The following SZT2 variants were observed in gnomAD, a reference collection of about 807,000 sequenced individuals.
The protein encoded by SZT2 is SZT2 subunit of KICSTOR complex, also known as KICSTOR complex protein SZT2.
Under a neutral mutation model 404.2 loss-of-function variants are expected in SZT2, and 216 were observed. That is an observed-to-expected ratio of 0.53 (90% confidence interval 0.48 to 0.60). The LOEUF is 0.60. Among genes scored for constraint, SZT2 ranks in the 20% least tolerant of loss-of-function variants. SZT2 has a pLI of 0.00. For missense variants in SZT2, 3,857 were observed against 4,459.2 expected (o/e 0.86, Z 3.85); for synonymous variants, 1,693 against 1,749.9 (o/e 0.97, Z 0.81).
chr1:43,389,979 A>G lies in SZT2; in HGVS notation c.11A>G (p.Glu4Gly). 7.2e-7 allele frequency: 1 copy of G among 1,397,288 alleles called. No homozygotes were observed. The highest frequency in any genetic ancestry group is 9.3e-7 in the Non-Finnish European group (1 of 1,078,212). The allele number at this position is 1,397,288 out of a possible 1,614,324, so 86.6% of individuals were successfully genotyped here. A position where few individuals can be genotyped will look rare whatever the true frequency, so the allele number is the denominator to read the frequency against. Residue 4 changes from glutamate (E) to glycine (G), a missense_variant, in exon 1 of 72, where the codon GAG (glutamate) becomes GGG (glycine). Coordinates refer to ENST00000634258, the MANE Select transcript of SZT2 (RefSeq NM_001365999.1). ...CGGGAGGGCTGTGTGATGGCCTCGG[A>G]GCGCCCGGAGCCGGAGGTGAGGGGC... MAS[E>G]RPEPEVEEAG...
Position 43,451,071 on chromosome 1 carries a change from G to C in SZT2, c.*591G>C, listed in dbSNP as rs563736312. 1 of 811,628 alleles carries C rather than the reference G, an allele frequency of 1.2e-6. No homozygotes were observed. Among genetic ancestry groups the C allele is most frequent in the African/African-American group, 1.7e-5 (1 of 59,966 alleles). 50.3% of individuals were successfully genotyped at this position (811,628 alleles called of 1,614,324 possible). ...CATCTTCACAGCAACCCTGGCACTG[G>C]CTTCTCAATGGGAGGGAAGCAGCAG... On this transcript the variant is annotated 3_prime_UTR_variant, in exon 72 of 72. Coordinates refer to ENST00000634258, the MANE Select transcript of SZT2 (RefSeq NM_001365999.1).
chr1:43,402,368 C>T (rs867569660), intron 1 of SZT2, among the ~76,000 whole-genome samples: 14 of 152,170 alleles, frequency 9.2e-5, no homozygotes, highest in African/African-American at 3.4e-4. Context: ...GATTGGAAAA[C>T]CTCCTGTGGG....
At position 43,426,218 on chromosome 1, in the gene SZT2, TAACA is replaced by T; in HGVS notation, c.3043+72_3043+75del. On this transcript the variant is annotated intron_variant, in intron 21 of 71. Coordinates refer to ENST00000634258, the MANE Select transcript of SZT2 (RefSeq NM_001365999.1). This position sits in a 1 kb window ranked among gnomAD's most constrained non-coding sequence, Gnocchi z 4.9. ...CAGCAAGCCTGGAAGTATTAGAAAA[TAACA>T]AACAGATGGGTCAGCAAGTGAGCAG... 6.4e-7 allele frequency: 1 copy of T among 1,560,584 alleles called. No individual in the cohort carries two copies. The highest frequency in any genetic ancestry group is 8.7e-7 in the Non-Finnish European group (1 of 1,145,964).
Position 43,426,707 on chromosome 1 carries a change from C to T in SZT2, c.3215-8C>T, listed in dbSNP as rs942834821. On this transcript the variant is annotated splice_region_variant and splice_polypyrimidine_tract_variant and intron_variant, in intron 22 of 71. Transcript: ENST00000634258. This position sits in a 1 kb window ranked among gnomAD's most constrained non-coding sequence, Gnocchi z 4.9. ...GCCCTCTTTCACCCATCTCTACCCC[C>T]ATTGTAGGTGCCGAGGGGCCACTGC... The T allele has an allele frequency of 6.2e-7, 1 of 1,602,696 alleles. No individual in the cohort carries two copies. The highest frequency in any genetic ancestry group is 1.7e-5 in the Admixed American group (1 of 58,410).
intron 66 of SZT2, 25 bp from the exon 67 acceptor site, chr1:43,447,520 C>T (rs1165819515): frequency 1.9e-6 from 3 of 1,610,330 alleles, no homozygotes; most frequent in Non-Finnish European, 2.5e-6. Context: ...TTAGTGTCTG[C>T]TGTCTCCTGT....
At chr1:43,413,947 AAG>A (rs1468298088) in intron 4 of SZT2, among the ~76,000 whole-genome samples, 1 of 152,148 alleles carries the variant, frequency 6.6e-6, no homozygotes, top group Non-Finnish European at 1.5e-5. Flanking sequence ...AAATAACTAA[AAG>A]AGTAAAATTG....
In SZT2 at chr1:43,439,521, C is replaced by T; in HGVS notation, c.6877+79C>T. 6.2e-7 allele frequency: 1 copy of T among 1,600,504 alleles called. No individual in the cohort carries two copies. The highest frequency in any genetic ancestry group is 1.1e-5 in the South Asian group (1 of 89,380). On this transcript the variant is annotated intron_variant, in intron 49 of 71. Transcript: ENST00000634258. This position sits in a 1 kb window ranked among gnomAD's most constrained non-coding sequence, Gnocchi z 4.2. The stretch of plus-strand genomic sequence containing the variant: ...TCATCCTATTGCTAAGAGGACATTT[C>T]CCAGGCTTGCAGCTGAGTGGAGGGT...
In SZT2 at chr1:43,430,703, C is replaced by A; in HGVS notation, c.4688C>A (p.Pro1563Gln). ...CCTGAGAGCTTCCTTCATGACCTGC[C>A]ACCGCTCTTCCTGCACCTCACGTGC... Reference protein sequence around the residue: ...TGPESFLHDLPPLFLHLTCSV... With the variant: ...TGPESFLHDLQPLFLHLTCSV... Residue 1563 changes from proline (P) to glutamine (Q), a missense_variant, in exon 32 of 72, where the codon CCA (proline) becomes CAA (glutamine). Pro to Gln is a moderately conservative substitution (Grantham distance 76). Around this residue, in one of 7 missense-constraint regions of SZT2, gnomAD observed 1,725 missense variants for 1,881.0 expected, o/e 0.92. Coordinates refer to ENST00000634258, the MANE Select transcript of SZT2 (RefSeq NM_001365999.1). 6.2e-7 allele frequency: 1 copy of A among 1,613,850 alleles called. No homozygotes were observed. The highest frequency in any genetic ancestry group is 8.5e-7 in the Non-Finnish European group (1 of 1,180,024).
In SZT2 at chr1:43,427,392, G is replaced by A. The variant is rs991901142; in HGVS notation, c.3545G>A (p.Gly1182Glu). The A allele has an allele frequency of 6.2e-7, 1 of 1,614,016 alleles. No individual in the cohort carries two copies. The highest frequency in any genetic ancestry group is 1.7e-5 in the Admixed American group (1 of 59,996). Residue 1182 changes from glycine (G) to glutamate (E), a missense_variant, in exon 25 of 72, where the codon GGG becomes GAG. Around this residue, in one of 7 missense-constraint regions of SZT2, gnomAD observed 1,725 missense variants for 1,881.0 expected, o/e 0.92. Transcript: ENST00000634258. ...APSLKDLGGT[G>E]IKATKSHVPV... is the part of the protein sequence containing the mutation. Reference sequence around the variant, plus strand: ...AGTCTGAAAGATCTAGGAGGAACTGGGATCAAAGCTACAAAGTCCCACGTC... The same window carrying A: ...AGTCTGAAAGATCTAGGAGGAACTGAGATCAAAGCTACAAAGTCCCACGTC...
intron 7 of SZT2, among the ~76,000 whole-genome samples, chr1:43,419,297 T>C (rs998154020): frequency 2.6e-5 from 4 of 152,248 alleles, no homozygotes; most frequent in African/African-American, 9.6e-5. Flanking sequence ...CAAAATGTAG[T>C]CCACAGACCA....
At position 43,425,394 on chromosome 1, in the gene SZT2, T is replaced by C; in HGVS notation, c.2646-80T>C. 1 of 1,584,308 alleles carries C rather than the reference T, an allele frequency of 6.3e-7. No individual in the cohort carries two copies. The highest frequency in any genetic ancestry group is 8.6e-7 in the Non-Finnish European group (1 of 1,161,500). On this transcript the variant is annotated intron_variant, in intron 18 of 71. Transcript: ENST00000634258. This position sits in a 1 kb window ranked among gnomAD's most constrained non-coding sequence, Gnocchi z 4.3. ...CCTTGTATGACTCGTGGCTGTCCTC[T>C]GTGCCTGCCTCCTTCCCTCCATGAG...
chr1:43,414,821 G>C (rs934314174), intron 4 of SZT2, among the ~76,000 whole-genome samples: 3 of 152,258 alleles, frequency 2.0e-5, no homozygotes, highest in Non-Finnish European at 4.4e-5. Context: ...CATGTGGGGG[G>C]TTGGGGAAGC....
chr1:43,427,938 G>A (rs529521538), intron 26 of SZT2, 65 bp from the exon 27 acceptor site: 106 of 1,438,668 alleles, frequency 7.4e-5, no homozygotes, highest in Non-Finnish European at 9.2e-5. Flanking sequence ...GAGTGTGGAT[G>A]GCTAATGAGT....
Position 43,450,365 on chromosome 1 carries a change from TCCCAGTACAGC to T in SZT2, c.10190_10200del (p.Val3397GlyfsTer46), listed in dbSNP as rs1299792308. On this transcript the variant is annotated frameshift_variant, in exon 72 of 72. Coordinates refer to ENST00000634258, the MANE Select transcript of SZT2 (RefSeq NM_001365999.1). LOFTEE classifies it high-confidence loss of function. This position sits in a 1 kb window ranked among gnomAD's most constrained non-coding sequence, Gnocchi z 4.3. The stretch of plus-strand genomic sequence containing the variant: ...CTGACAGTGGTTTTCCGAGAGCCCT[TCCCAGTACAGC>T]CCCAGGACAGCGAGAGCCCCCCTGC... 6.2e-7 allele frequency: 1 copy of T among 1,613,974 alleles called. No homozygotes were observed. Among genetic ancestry groups the T allele is most frequent in the Admixed American group, 1.7e-5 (1 of 59,990 alleles).
chr1:43,402,572 T>C (rs992141851), intron 1 of SZT2, among the ~76,000 whole-genome samples: 8 of 152,282 alleles, frequency 5.3e-5, no homozygotes, highest in African/African-American at 1.9e-4. Context: ...GACAAGGACA[T>C]GGGCAAGGGA....
Position 43,452,517 on chromosome 1 carries a change from CAG to C in SZT2, c.*2038_*2039del. ...GGGGCAAGCCCTTTCCCAGACATCT[CAG>C]TGTCCACCCACCGCCTCCTGCCTCC... is the stretch of plus-strand genomic sequence containing the variant. On this transcript the variant is annotated 3_prime_UTR_variant, in exon 72 of 72. Coordinates refer to ENST00000634258, the MANE Select transcript of SZT2 (RefSeq NM_001365999.1). 2 of 674,186 alleles carry C rather than the reference CAG, an allele frequency of 3.0e-6. No individual in the cohort carries two copies. The highest frequency in any genetic ancestry group is 5.5e-6 in the Non-Finnish European group (2 of 364,926). 41.8% of individuals were successfully genotyped at this position (674,186 alleles called of 1,614,324 possible). A position where few individuals can be genotyped will look rare whatever the true frequency, so the allele number is the denominator to read the frequency against.
chr1:43,392,162 A>G (rs1276444927), intron 1 of SZT2, among the ~76,000 whole-genome samples: 2 of 151,618 alleles, frequency 1.3e-5, no homozygotes, highest in Non-Finnish European at 2.9e-5. Flanking sequence ...TTATATATTT[A>G]ACCCAAAACT....
intron 28 of SZT2, 179 bp from the exon 29 acceptor site, chr1:43,429,524 G>A: frequency 3.1e-6 from 2 of 650,848 alleles, no homozygotes; most frequent in Non-Finnish European, 5.2e-6. Flanking sequence ...AAGAAATATG[G>A]AGGTTAAAGC....
chr1:43,427,361 G>T lies in SZT2; in HGVS notation c.3514G>T (p.Ala1172Ser). 1 of 1,614,072 alleles carries T rather than the reference G, an allele frequency of 6.2e-7. No individual in the cohort carries two copies. Among genetic ancestry groups the T allele is most frequent in the East Asian group, 2.2e-5 (1 of 44,868 alleles). Residue 1172 changes from alanine to serine, a missense_variant, in exon 25 of 72, where the codon GCT (alanine) becomes TCT (serine). Transcript: ENST00000634258. ...TKPKFGDWSG[A>S]PSLKDLGGTG... is the part of the protein sequence containing the mutation. ...GCCTAAGTTTGGGGATTGGAGTGGG[G>T]CTCCCAGTCTGAAAGATCTAGGAGG...
Sources: allele counts gnomAD v4.1 joint callset (sites outside exome capture counted in the v4.1 genomes callset), GRCh38; gene constraint gnomAD v4.1.1; regional missense constraint gnomAD v4.1.1; non-coding constraint Gnocchi (gnomAD v3.1); transcripts MANE v1.5; gene names NCBI Gene and HGNC (gene_info 2026-07-23, HGNC 2026-07-21).